The following TIMM9 variants were observed in gnomAD, a reference collection of about 807,000 sequenced individuals.
The protein encoded by TIMM9 is mitochondrial import inner membrane translocase subunit Tim9.
In TIMM9, 10 loss-of-function variants were observed where a neutral mutation model predicts 13.4. The ratio of observed to expected loss-of-function variants is 0.75; its 90% CI spans 0.46 to 1.26. The LOEUF (loss-of-function observed/expected upper bound fraction) is 1.26. TIMM9 is among the 50% of genes most tolerant of loss of function. The pLI is 0.00. For missense variants in TIMM9, 87 were observed against 100.8 expected (o/e 0.86, Z 0.58); for synonymous variants, 32 against 32.1 (o/e 1.00, Z 0.01).
chr14:58,424,360 G>T (rs1595032322), intron 2 of TIMM9, among the ~76,000 whole-genome samples: 1 of 152,188 alleles, frequency 6.6e-6, no homozygotes, highest in Middle Eastern at 3.4e-3. Flanking sequence ...CTAATTCTGG[G>T]AGGGATGGTT....
At chr14:58,414,683 G>A (rs1290887408) in intron 3 of TIMM9, among the ~76,000 whole-genome samples, 8 of 144,126 alleles carry the variant, frequency 5.6e-5, no homozygotes, top group Admixed American at 5.1e-4. Flanking sequence ...GTTGCAGTGA[G>A]CCGAGATTGC....
intron 3 of TIMM9, among the ~76,000 whole-genome samples, chr14:58,415,920 A>G (rs1218453615): frequency 2.0e-5 from 3 of 152,138 alleles, no homozygotes; most frequent in Non-Finnish European, 4.4e-5. Flanking sequence ...CAAACATCTG[A>G]AAACTAAAGA....
intron 2 of TIMM9, among the ~76,000 whole-genome samples, chr14:58,426,504 C>CT (rs1372875018): frequency 6.6e-6 from 1 of 152,148 alleles, no homozygotes; most frequent in Non-Finnish European, 1.5e-5. Flanking sequence ...CGCGCTCAGA[C>CT]TTTAAAGTCC....
At chr14:58,411,816 T>G (rs541413906) in intron 4 of TIMM9, 91 bp downstream of exon 4, 1 of 1,193,468 alleles carries the variant, frequency 8.4e-7, no homozygotes, top group East Asian at 2.3e-5. Context: ...GGATTACAGA[T>G]GTGAGCCACT....
intron 3 of TIMM9, among the ~76,000 whole-genome samples, chr14:58,415,116 G>T (rs2140323631): frequency 6.6e-6 from 1 of 152,308 alleles, no homozygotes; most frequent in Admixed American, 6.5e-5. Flanking sequence ...ACTCCACCTA[G>T]CAGTAACAAG....
At chr14:58,411,164 T>G (rs1235546958) in intron 4 of TIMM9, among the ~76,000 whole-genome samples, 1 of 152,150 alleles carries the variant, frequency 6.6e-6, no homozygotes. Flanking sequence ...ATACATATGC[T>G]TGGCCGGGTG....
chr14:58,426,578 T>C (rs1283582950), intron 2 of TIMM9, among the ~76,000 whole-genome samples: 1 of 152,198 alleles, frequency 6.6e-6, no homozygotes. Flanking sequence ...AATTAGTTAT[T>C]TAGCTTTTAG....
In TIMM9 at chr14:58,424,081, A is replaced by T. The variant is rs1409713054; in HGVS notation, c.-100T>A. On this transcript the variant is annotated 5_prime_UTR_variant, in exon 3 of 6. Coordinates refer to ENST00000395159, the MANE Select transcript of TIMM9 (RefSeq NM_012460.4). ...AACCTTTGCTTGAATGTCTCCAATA[A>T]GGCCTGATTCTTACCTGAAAAATGA... 1 of 152,164 alleles carries T rather than the reference A, an allele frequency of 6.6e-6. No homozygotes were observed. The highest frequency in any genetic ancestry group is 2.4e-5 in the African/African-American group (1 of 41,438). 9.4% of individuals were successfully genotyped at this position (152,164 alleles called of 1,614,324 possible). A position where few individuals can be genotyped will look rare whatever the true frequency, so the allele number is the denominator to read the frequency against.
chr14:58,412,121 T>C (rs1326606745), intron 3 of TIMM9, 150 bp from the exon 4 acceptor site: 5 of 583,728 alleles, frequency 8.6e-6, no homozygotes, highest in South Asian at 4.4e-5. Flanking sequence ...TTAATGACCA[T>C]AGAACCTTAC....
chr14:58,414,653 G>C (rs1028725269), intron 3 of TIMM9, among the ~76,000 whole-genome samples: 2 of 146,234 alleles, frequency 1.4e-5, no homozygotes, highest in African/African-American at 5.1e-5. Flanking sequence ...CAGGAGAACT[G>C]CTTGACCCCT....
In TIMM9 at chr14:58,427,387, T is replaced by C; in HGVS notation, c.-304+5A>G. 1 of 481,620 alleles carries C rather than the reference T, an allele frequency of 2.1e-6. No individual in the cohort carries two copies. Among genetic ancestry groups the C allele is most frequent in the Non-Finnish European group, 3.7e-6 (1 of 268,300 alleles). 29.8% of individuals were successfully genotyped at this position (481,620 alleles called of 1,614,324 possible). On this transcript the variant is annotated splice_donor_5th_base_variant and intron_variant, in intron 1 of 5. Transcript: ENST00000395159. ...CTGTCGAAACTTCTTGGAAGCCTAA[T>C]TTACCTAATCCCACGTCCCTAACGG...
At chr14:58,411,834 G>C in intron 4 of TIMM9, 73 bp downstream of exon 4, 1 of 1,419,280 alleles carries the variant, frequency 7.0e-7, no homozygotes, top group Non-Finnish European at 1.0e-6. Context: ...ACTGCACCCA[G>C]CCTGACATGG....
chr14:58,417,207 CCT>C (rs564373682), intron 3 of TIMM9, among the ~76,000 whole-genome samples: 135 of 152,148 alleles, frequency 8.9e-4, no homozygotes, highest in African/African-American at 3.0e-3. Context: ...GTCCATTAAA[CCT>C]CTTTCTTTTG....
chr14:58,421,846 G>A (rs1435898942), intron 3 of TIMM9, among the ~76,000 whole-genome samples: 2 of 152,094 alleles, frequency 1.3e-5, no homozygotes, highest in Non-Finnish European at 2.9e-5. Flanking sequence ...TAGGCTCCTA[G>A]CTGAAAGTTC....
intron 3 of TIMM9, among the ~76,000 whole-genome samples, chr14:58,420,619 C>A (rs1180587526): frequency 6.6e-6 from 1 of 151,730 alleles, no homozygotes. Context: ...GTGGTGAAAC[C>A]CCATCTCTAC....
At chr14:58,419,753 A>C (rs2036533955) in intron 3 of TIMM9, among the ~76,000 whole-genome samples, 1 of 151,584 alleles carries the variant, frequency 6.6e-6, no homozygotes, top group Non-Finnish European at 1.5e-5. Flanking sequence ...AAAAATACAC[A>C]CACAAAAAAA....
chr14:58,414,838 C>G (rs1459440064), intron 3 of TIMM9, among the ~76,000 whole-genome samples: 1 of 152,060 alleles, frequency 6.6e-6, no homozygotes, highest in Non-Finnish European at 1.5e-5. Context: ...AGCCTCCCCA[C>G]TCCCCAGCGA....
At chr14:58,410,032 AT>A (rs1348472834) in intron 5 of TIMM9, among the ~76,000 whole-genome samples, 4 of 151,490 alleles carry the variant, frequency 2.6e-5, no homozygotes, top group Non-Finnish European at 5.9e-5. Flanking sequence ...CGCCTGGCTA[AT>A]TTTTCATTTT....
At position 58,425,569 on chromosome 14, in the gene TIMM9, G is replaced by A. The variant is rs539108164; in HGVS notation, c.-114-1474C>T. Among the ~76,000 whole-genome samples, 186 of 151,614 alleles carry A rather than the reference G, an allele frequency of 1.2e-3. 1 individual carries two copies. The highest frequency in any genetic ancestry group is 3.4e-3 in the African/African-American group (139 of 41,394). ...GAAAAAAAAAAAAAAAGAGGGAAAG[G>A]AACTAAAGAGTAATGACAAAGAGCT... On this transcript the variant is annotated intron_variant, in intron 2 of 5. Transcript: ENST00000395159.
Sources: allele counts gnomAD v4.1 joint callset (sites outside exome capture counted in the v4.1 genomes callset), GRCh38; gene constraint gnomAD v4.1.1; transcripts MANE v1.5; gene names NCBI Gene and HGNC (gene_info 2026-07-23, HGNC 2026-07-21).